PRR16: variants seen among roughly 807,000 people sequenced by gnomAD.
PRR16 encodes protein Largen.
PRR16 carries 6 observed loss-of-function variants against 18.2 expected under a neutral mutation model. That is an observed-to-expected ratio of 0.33 (90% CI 0.18 to 0.65). The LOEUF is 0.65. Among genes scored for constraint, PRR16 ranks in the 30% least tolerant of loss-of-function variants. The pLI, the probability that PRR16 is intolerant of heterozygous loss-of-function variation, is 0.74. For missense variants in PRR16, 412 were observed against 376.6 expected (o/e 1.09, Z -0.78); for synonymous variants, 151 against 147.8 (o/e 1.02, Z -0.16).
intron 1 of PRR16, among the ~76,000 whole-genome samples, chr5:120,673,713 T>G (rs1203591333): frequency 1.3e-5 from 2 of 151,990 alleles, no homozygotes; most frequent in African/African-American, 4.8e-5. Context: ...ATGAGGTGGG[T>G]GGATTGCTTG....
At chr5:120,513,556 T>C (rs1394866254) in intron 1 of PRR16, among the ~76,000 whole-genome samples, 4 of 152,170 alleles carry the variant, frequency 2.6e-5, no homozygotes, top group African/African-American at 9.7e-5. Flanking sequence ...TCTCTTCTTC[T>C]CTTTACCTGG....
chr5:120,472,064 T>G (rs1749287149), intron 1 of PRR16, among the ~76,000 whole-genome samples: 1 of 152,152 alleles, frequency 6.6e-6, no homozygotes, highest in African/African-American at 2.4e-5. Context: ...CTCTTTCTAC[T>G]TTGCAAATGC....
At chr5:120,773,095 C>A in the PRR16 span, among the ~76,000 whole-genome samples, 1 of 152,100 alleles carries the variant, frequency 6.6e-6, no homozygotes, top group African/African-American at 2.4e-5. Flanking sequence ...GTGGCTTTGA[C>A]TTAGATCACA....
chr5:120,481,914 C>T (rs1039691071), intron 1 of PRR16, among the ~76,000 whole-genome samples: 1 of 152,104 alleles, frequency 6.6e-6, no homozygotes, highest in Non-Finnish European at 1.5e-5. Flanking sequence ...CACAATCTGT[C>T]ACTCTAACAG....
At chr5:120,578,985 A>G (rs1052640400) in intron 1 of PRR16, among the ~76,000 whole-genome samples, 1 of 152,012 alleles carries the variant, frequency 6.6e-6, no homozygotes, top group Admixed American at 6.5e-5. Context: ...TTTGATTTGC[A>G]GTTCTCTGAT....
chr5:120,590,097 T>C (rs1405857789), intron 1 of PRR16, among the ~76,000 whole-genome samples: 2 of 152,174 alleles, frequency 1.3e-5, no homozygotes, highest in Non-Finnish European at 1.5e-5. Context: ...TCAGAAAACA[T>C]TTAGCTGTAA....
At chr5:120,572,017 C>T (rs1288021625) in intron 1 of PRR16, among the ~76,000 whole-genome samples, 3 of 152,172 alleles carry the variant, frequency 2.0e-5, no homozygotes, top group African/African-American at 4.8e-5. Flanking sequence ...AAACTGTTTG[C>T]ATGACAGTTT....
chr5:120,672,932 T>TTGTAC (rs1756664775), intron 1 of PRR16, among the ~76,000 whole-genome samples: 2 of 152,168 alleles, frequency 1.3e-5, no homozygotes, highest in Non-Finnish European at 2.9e-5. Flanking sequence ...CTTGTACATC[T>TTGTAC]ATTAGGTTAC....
intron 1 of PRR16, among the ~76,000 whole-genome samples, chr5:120,595,428 A>G (rs536512630): frequency 1.7e-5 from 1 of 58,740 alleles, no homozygotes; most frequent in Admixed American, 2.7e-4. Flanking sequence ...GCTATTATCA[A>G]AAAGTCAAAA....
the PRR16 span, among the ~76,000 whole-genome samples, chr5:120,737,020 C>T: frequency 6.6e-6 from 1 of 152,170 alleles, no homozygotes; most frequent in Non-Finnish European, 1.5e-5. Context: ...GTGTTCTACA[C>T]AGAAGGTCAT....
the PRR16 span, among the ~76,000 whole-genome samples, chr5:120,751,073 A>G: frequency 6.6e-6 from 1 of 152,164 alleles, no homozygotes; most frequent in Non-Finnish European, 1.5e-5. Flanking sequence ...TTCACCTGAC[A>G]TAATGTCCTC....
chr5:120,587,800 A>T (rs932534339), intron 1 of PRR16, among the ~76,000 whole-genome samples: 1 of 152,220 alleles, frequency 6.6e-6, no homozygotes, highest in African/African-American at 2.4e-5. Flanking sequence ...AGTAATTTTG[A>T]CTTTAAAGTC....
chr5:120,591,152 G>C (rs930788710), intron 1 of PRR16, among the ~76,000 whole-genome samples: 1 of 151,830 alleles, frequency 6.6e-6, no homozygotes, highest in Non-Finnish European at 1.5e-5. Flanking sequence ...GGTGGTGGGC[G>C]CCTGTAATCC....
chr5:120,754,519 T>G, the PRR16 span, among the ~76,000 whole-genome samples: 1 of 103,282 alleles, frequency 9.7e-6, no homozygotes, highest in Non-Finnish European at 1.8e-5. Context: ...TATTATATAT[T>G]ATATATTATA....
At chr5:120,628,725 T>G (rs1754956805) in intron 1 of PRR16, among the ~76,000 whole-genome samples, 1 of 151,684 alleles carries the variant, frequency 6.6e-6, no homozygotes, top group Non-Finnish European at 1.5e-5. Context: ...TATCTATCTA[T>G]CTATCTATCT....
intron 1 of PRR16, among the ~76,000 whole-genome samples, chr5:120,526,248 A>G (rs1751342481): frequency 6.6e-6 from 1 of 152,068 alleles, no homozygotes; most frequent in African/African-American, 2.4e-5. Context: ...TTTCCTTTTC[A>G]TACACCAGAT....
At chr5:120,598,254 T>A (rs1753876695) in intron 1 of PRR16, among the ~76,000 whole-genome samples, 1 of 151,728 alleles carries the variant, frequency 6.6e-6, no homozygotes, top group Non-Finnish European at 1.5e-5. Flanking sequence ...AATGTAGCAA[T>A]CCTCTTTTTT....
intron 1 of PRR16, among the ~76,000 whole-genome samples, chr5:120,520,430 A>T (rs566225564): frequency 4.6e-5 from 7 of 152,302 alleles, no homozygotes; most frequent in Non-Finnish European, 8.8e-5. Context: ...AATTTTGTGC[A>T]TAGTTTGCTA....
At chr5:120,533,045 G>A (rs1250221912) in intron 1 of PRR16, among the ~76,000 whole-genome samples, 2 of 152,094 alleles carry the variant, frequency 1.3e-5, no homozygotes, top group African/African-American at 4.8e-5. Context: ...TTCATCTCTG[G>A]CTGTTTCCAC....
Sources: allele counts gnomAD v4.1 joint callset (sites outside exome capture counted in the v4.1 genomes callset), GRCh38; gene constraint gnomAD v4.1.1; transcripts MANE v1.5; gene names NCBI Gene and HGNC (gene_info 2026-07-23, HGNC 2026-07-21).